Variants in MARK1 observed in about 807,000 individuals in gnomAD.
The protein encoded by MARK1 is serine/threonine-protein kinase MARK1.
In MARK1, 40 loss-of-function variants were observed where a neutral mutation model predicts 96.3. The ratio of observed to expected loss-of-function variants is 0.42; its 90% CI spans 0.32 to 0.54. The LOEUF (loss-of-function observed/expected upper bound fraction) is 0.54. Ranked by LOEUF, MARK1 falls within the 20% of genes least tolerant of loss-of-function variation. MARK1 has a pLI of 0.16. For synonymous variants in MARK1, 317 were observed against 341.2 expected, an observed-to-expected ratio of 0.93 and a Z score of 0.78; for missense variants, 719 against 984.6, an observed-to-expected ratio of 0.73 and a Z score of 3.61.
chr1:220,560,815 A>G (rs1662617645), intron 1 of MARK1, among the ~76,000 whole-genome samples: 1 of 152,216 alleles, frequency 6.6e-6, no homozygotes. Flanking sequence ...AAAACCAGAG[A>G]AAGTGAAATC....
Position 220,528,428 on chromosome 1 carries a change from G to T in MARK1, c.-395G>T. ...CTGACGCCCAGGCGCTCGCCAGGAC[G>T]AGCCAGGCAGTGATTTGAGGCACCG... On this transcript the variant is annotated 5_prime_UTR_variant, in exon 1 of 18. Coordinates refer to ENST00000366917, the MANE Select transcript of MARK1 (RefSeq NM_018650.5). The T allele has an allele frequency of 5.3e-6, 1 of 188,844 alleles. No individual in the cohort carries two copies. The highest frequency in any genetic ancestry group is 1.1e-5 in the Non-Finnish European group (1 of 92,356). The allele number at this position is 188,844 out of a possible 1,614,324, so 11.7% of individuals were successfully genotyped here.
intron 1 of MARK1, among the ~76,000 whole-genome samples, chr1:220,557,180 A>C (rs1309486847): frequency 6.6e-6 from 1 of 152,240 alleles, no homozygotes; most frequent in Non-Finnish European, 1.5e-5. Context: ...AGTTCTCATC[A>C]GCAATAACAA....
intron 4 of MARK1, among the ~76,000 whole-genome samples, chr1:220,598,736 G>A (rs1475487919): frequency 6.6e-6 from 1 of 152,046 alleles, no homozygotes; most frequent in Non-Finnish European, 1.5e-5. Context: ...GCTTATGCCT[G>A]TAATCCCAGC....
intron 1 of MARK1, among the ~76,000 whole-genome samples, chr1:220,533,874 A>G (rs1660498186): frequency 6.6e-6 from 1 of 152,072 alleles, no homozygotes; most frequent in African/African-American, 2.4e-5. Flanking sequence ...CTTCATGTTT[A>G]ACCTGTCATT....
chr1:220,662,208 A>T lies in MARK1; in HGVS notation c.*42A>T. The T allele has an allele frequency of 6.9e-7, 1 of 1,457,122 alleles. No homozygotes were observed. Among genetic ancestry groups the T allele is most frequent in the Non-Finnish European group, 9.4e-7 (1 of 1,061,400 alleles). 90.3% of individuals were successfully genotyped at this position (1,457,122 alleles called of 1,614,324 possible). A position where few individuals can be genotyped will look rare whatever the true frequency, so the allele number is the denominator to read the frequency against. On this transcript the variant is annotated 3_prime_UTR_variant, in exon 18 of 18. Coordinates refer to ENST00000366917, the MANE Select transcript of MARK1 (RefSeq NM_018650.5). The stretch of plus-strand genomic sequence containing the variant: ...AGGTTCAGGGAAGATACATACATAT[A>T]TGAGGTACAGTTTTTGAATGTACTG...
intron 6 of MARK1, among the ~76,000 whole-genome samples, chr1:220,611,119 A>G (rs1666414891): frequency 6.6e-6 from 1 of 152,222 alleles, no homozygotes; most frequent in African/African-American, 2.4e-5. Flanking sequence ...GCTGTCAGAC[A>G]GGGACATTTA....
rs533485879 is a variant in MARK1, at chr1:220,602,463, A to G, written c.425-1604A>G. On this transcript the variant is annotated intron_variant, in intron 5 of 17. Coordinates refer to ENST00000366917, the MANE Select transcript of MARK1 (RefSeq NM_018650.5). ...TAGTTGGGGAAGTAAATCATACACA[A>G]ACAATATATGATAAGTACAGGACTA... Among the ~76,000 whole-genome samples the G allele has an allele frequency of 4.6e-5, 7 of 152,318 alleles. No homozygotes were observed. In the South Asian group the frequency reaches 1.0e-3, roughly 23 times the overall value.
Position 220,581,105 on chromosome 1 carries a change from C to G in MARK1, c.296C>G (p.Thr99Ser), listed in dbSNP as rs777043308. 7.9e-7 allele frequency: 1 copy of G among 1,261,166 alleles called. No individual in the cohort carries two copies. Among genetic ancestry groups the G allele is most frequent in the East Asian group, 2.7e-5 (1 of 36,458 alleles). The allele number at this position is 1,261,166 out of a possible 1,614,324, so 78.1% of individuals were successfully genotyped here. A position where few individuals can be genotyped will look rare whatever the true frequency, so the allele number is the denominator to read the frequency against. The change falls in exon 3 of 18, where the codon ACC becomes AGC. Residue 99 changes from threonine (T) to serine (S), a missense_variant. Physicochemically the swap from Thr to Ser is moderately conservative, Grantham distance 58. This residue lies in a region of MARK1 where 105 missense variants were observed against 133.4 expected (regional missense o/e 0.79). Transcript: ENST00000366917. Reference protein sequence around the residue: ...KIIDKTQLNPTSLQKLFREVR... With the variant: ...KIIDKTQLNPSSLQKLFREVR... ...ATAGACAAAACTCAGCTAAATCCTA[C>G]CAGTCTACAAAAGGTATTTAATTAA... is the stretch of plus-strand genomic sequence containing the variant.
At chr1:220,589,574 G>C (rs1324359062) in intron 3 of MARK1, among the ~76,000 whole-genome samples, 1 of 151,994 alleles carries the variant, frequency 6.6e-6, no homozygotes, top group Non-Finnish European at 1.5e-5. Flanking sequence ...AAAGACCTCT[G>C]AACAACTAGA....
chr1:220,557,033 C>T (rs1463141213), intron 1 of MARK1, among the ~76,000 whole-genome samples: 1 of 151,944 alleles, frequency 6.6e-6, no homozygotes, highest in African/African-American at 2.4e-5. Context: ...GAGAGAGATA[C>T]ATGTCTTCAG....
intron 1 of MARK1, among the ~76,000 whole-genome samples, chr1:220,536,970 G>A (rs1282146053): frequency 6.8e-6 from 1 of 148,072 alleles, no homozygotes; most frequent in Admixed American, 6.6e-5. Flanking sequence ...GTCTCTAAGT[G>A]TATCTATTGT....
chr1:220,611,204 C>T (rs899557162), intron 6 of MARK1, among the ~76,000 whole-genome samples: 2 of 152,168 alleles, frequency 1.3e-5, no homozygotes, highest in African/African-American at 4.8e-5. Flanking sequence ...AGGCAGTAGG[C>T]CTAGTTGGGC....
chr1:220,573,954 C>T (rs1470243008), intron 1 of MARK1, among the ~76,000 whole-genome samples: 1 of 151,942 alleles, frequency 6.6e-6, no homozygotes, highest in Admixed American at 6.6e-5. Context: ...TATACTTGTT[C>T]TTTCTGGCCA....
chr1:220,619,935 T>C (rs1022462860), intron 9 of MARK1, among the ~76,000 whole-genome samples: 6 of 152,238 alleles, frequency 3.9e-5, no homozygotes, highest in South Asian at 2.1e-4. Context: ...CTTTCTGGCA[T>C]GGACTTCATG....
At chr1:220,626,424 T>C (rs1276871165) in intron 9 of MARK1, 2 of 545,244 alleles carry the variant, frequency 3.7e-6, no homozygotes, top group African/African-American at 1.9e-5. Context: ...TGCTCCGAGA[T>C]GGGATTGACG....
intron 10 of MARK1, 31 bp downstream of exon 10, chr1:220,631,165 T>C: frequency 1.4e-6 from 2 of 1,480,874 alleles, no homozygotes; most frequent in Non-Finnish European, 1.9e-6. Context: ...AGAAGTGCTG[T>C]CCCTAGGCAA....
chr1:220,570,752 G>T (rs1407500618), intron 1 of MARK1, among the ~76,000 whole-genome samples: 1 of 152,028 alleles, frequency 6.6e-6, no homozygotes, highest in Non-Finnish European at 1.5e-5. Context: ...TACTGTTTAG[G>T]TTTTAAAACT....
At chr1:220,633,076 T>G (rs1356250672) in intron 11 of MARK1, among the ~76,000 whole-genome samples, 2 of 151,488 alleles carry the variant, frequency 1.3e-5, no homozygotes, top group Non-Finnish European at 2.9e-5. Context: ...GTGGGGGAGG[T>G]GCCACGCTCT....
rs535686841 is a variant in MARK1 at position 220,615,942 on chromosome 1, G to A, written c.499G>A (p.Val167Ile). The change falls in exon 7 of 18, where the codon GTA becomes ATA. Residue 167 changes from valine (V) to isoleucine (I), a missense_variant. Physicochemically the swap from Val to Ile is conservative, Grantham distance 29 (BLOSUM62 3). Around this residue, in one of 4 missense-constraint regions of MARK1, gnomAD observed 96 missense variants for 213.1 expected, o/e 0.45. Transcript: ENST00000366917. Reference sequence around the variant, plus strand: ...TTTATCCAAATGTTTATTCCAGATTGTATCTGCTGTACAGTATTGTCATCA... The same window carrying A: ...TTTATCCAAATGTTTATTCCAGATTATATCTGCTGTACAGTATTGTCATCA... The part of the protein sequence containing the change: ...KEARAKFRQI[V>I]SAVQYCHQKY... 3 of 1,522,510 alleles carry A rather than the reference G, an allele frequency of 2.0e-6. No homozygotes were observed. Among genetic ancestry groups the A allele is most frequent in the Non-Finnish European group, 2.7e-6 (3 of 1,113,488 alleles). 94.3% of individuals were successfully genotyped at this position (1,522,510 alleles called of 1,614,324 possible).
Sources: allele counts gnomAD v4.1 joint callset (sites outside exome capture counted in the v4.1 genomes callset), GRCh38; gene constraint gnomAD v4.1.1; regional missense constraint gnomAD v4.1.1; transcripts MANE v1.5; gene names NCBI Gene and HGNC (gene_info 2026-07-23, HGNC 2026-07-21).